The following PLCB4 variants were observed in gnomAD, a reference collection of about 807,000 sequenced individuals.
PLCB4 encodes phospholipase C beta 4.
Under a neutral mutation model 178.8 loss-of-function variants are expected in PLCB4, and 77 were observed. The ratio of observed to expected loss-of-function variants is 0.43; its 90% CI spans 0.36 to 0.52. PLCB4 has a LOEUF of 0.52. Ranked by LOEUF, PLCB4 falls within the 20% of genes least tolerant of loss-of-function variation. PLCB4 has a pLI of 0.00. For missense variants in PLCB4, 1,024 were observed against 1,453.4 expected, an observed-to-expected ratio of 0.70 and a Z score of 4.80; for synonymous variants, 496 against 490.8, an observed-to-expected ratio of 1.01 and a Z score of -0.14.
At chr20:9,201,607 T>C (rs2093547093) in intron 2 of PLCB4, among the ~76,000 whole-genome samples, 2 of 152,120 alleles carry the variant, frequency 1.3e-5, no homozygotes, top group African/African-American at 4.8e-5. Flanking sequence ...TATTTAAAGG[T>C]AGAAAGGTAG....
At chr20:9,408,359 A>G (rs2039605399) in intron 22 of PLCB4, among the ~76,000 whole-genome samples, 2 of 152,170 alleles carry the variant, frequency 1.3e-5, no homozygotes, top group Admixed American at 6.6e-5. Context: ...CTGGTTTTCA[A>G]AAAAACATAA....
chr20:9,077,388 G>T lies in PLCB4; in HGVS notation c.-135+8182G>T, dbSNP rs533825412. Reference sequence around the variant, plus strand: ...CACTGATGAATTGCCTTTAAAAAAGGTCTCCATGAAATTTGTGGAACCTCT... The same window carrying T: ...CACTGATGAATTGCCTTTAAAAAAGTTCTCCATGAAATTTGTGGAACCTCT... On this transcript the variant is annotated intron_variant, in intron 1 of 39. Transcript: ENST00000378473. Among the ~76,000 whole-genome samples, 128 of 152,246 alleles carry T rather than the reference G, an allele frequency of 8.4e-4. No individual in the cohort carries two copies. The Middle Eastern group carries it at 0.01, about 12-fold the overall frequency.
Position 9,121,221 on chromosome 20 carries a change from G to C in PLCB4, c.-79+24879G>C, listed in dbSNP as rs574746033. Among the ~76,000 whole-genome samples, 9 of 152,276 alleles carry C rather than the reference G, an allele frequency of 5.9e-5. No homozygotes were observed. The South Asian group carries it at 1.9e-3, about 32-fold the overall frequency. ...GCACTTGGAATTCACCTAACACCTG[G>C]ATGAATGTTTCTTGAATTTCTTAGT... is the stretch of plus-strand genomic sequence containing the variant. On this transcript the variant is annotated intron_variant, in intron 2 of 39. Transcript: ENST00000378473.
chr20:9,310,463 C>T (rs929812447), intron 4 of PLCB4, among the ~76,000 whole-genome samples: 41 of 152,226 alleles, frequency 2.7e-4, no homozygotes, highest in East Asian at 1.9e-4. Context: ...GTAATCCCAG[C>T]ACTTTGGGAG....
chr20:9,410,839 A>G (rs1445965793), intron 24 of PLCB4, among the ~76,000 whole-genome samples, 198 bp from the exon 25 acceptor site: 3 of 152,204 alleles, frequency 2.0e-5, no homozygotes, highest in African/African-American at 7.2e-5. Flanking sequence ...AACACATTTT[A>G]TGTTTAATTT....
chr20:9,447,246 C>T (rs1421128155), intron 32 of PLCB4, among the ~76,000 whole-genome samples: 1 of 152,184 alleles, frequency 6.6e-6, no homozygotes, highest in Non-Finnish European at 1.5e-5. Context: ...ATTTATTTGG[C>T]TCACAATTTT....
intron 3 of PLCB4, among the ~76,000 whole-genome samples, chr20:9,276,387 A>T (rs1601567305): frequency 6.6e-6 from 1 of 152,160 alleles, no homozygotes; most frequent in East Asian, 1.9e-4. Flanking sequence ...GCCAGGACTC[A>T]GGTGTGGGGG....
intron 4 of PLCB4, among the ~76,000 whole-genome samples, chr20:9,332,033 A>G (rs2148028036): frequency 6.6e-6 from 1 of 152,356 alleles, no homozygotes; most frequent in Middle Eastern, 3.4e-3. Context: ...CTTGAGCTCT[A>G]AGGCGTGACT....
At chr20:9,105,392 A>G (rs918556802) in intron 2 of PLCB4, among the ~76,000 whole-genome samples, 1 of 152,114 alleles carries the variant, frequency 6.6e-6, no homozygotes, top group African/African-American at 2.4e-5. Flanking sequence ...GATTCAGTGT[A>G]GTAATACAAA....
At chr20:9,387,669 A>G in intron 15 of PLCB4, 113 bp downstream of exon 15, 2 of 536,886 alleles carry the variant, frequency 3.7e-6, no homozygotes, top group South Asian at 3.3e-5. Context: ...ATGCCTTCAT[A>G]TTCCCTTCTT....
At chr20:9,440,806 G>T (rs1183411929) in intron 30 of PLCB4, among the ~76,000 whole-genome samples, 1 of 152,204 alleles carries the variant, frequency 6.6e-6, no homozygotes, top group East Asian at 1.9e-4. Context: ...CTAGAGGAGA[G>T]AGACTTTTCT....
intron 2 of PLCB4, among the ~76,000 whole-genome samples, chr20:9,174,246 C>T (rs950864824): frequency 7.3e-5 from 11 of 151,720 alleles, no homozygotes; most frequent in African/African-American, 2.2e-4. Flanking sequence ...TCAAGGAATC[C>T]TCCTCCCTCA....
chr20:9,429,680 T>C (rs2041261223), intron 28 of PLCB4, among the ~76,000 whole-genome samples: 2 of 152,250 alleles, frequency 1.3e-5, no homozygotes, highest in Non-Finnish European at 2.9e-5. Context: ...AAAAATCAAT[T>C]TCCTTTTTTG....
intron 28 of PLCB4, among the ~76,000 whole-genome samples, chr20:9,424,246 T>C (rs1450018160): frequency 1.3e-5 from 2 of 152,208 alleles, no homozygotes; most frequent in Non-Finnish European, 1.5e-5. Context: ...TATATTTATA[T>C]TGACAATCAG....
chr20:9,409,943 G>T (rs1216944127), intron 24 of PLCB4, among the ~76,000 whole-genome samples: 2 of 152,134 alleles, frequency 1.3e-5, no homozygotes, highest in East Asian at 3.9e-4. Flanking sequence ...TCTACAGCAT[G>T]GTTCTTACAA....
At chr20:9,249,403 G>A (rs1230695516) in intron 3 of PLCB4, among the ~76,000 whole-genome samples, 1 of 152,104 alleles carries the variant, frequency 6.6e-6, no homozygotes, top group African/African-American at 2.4e-5. Context: ...TAACTCCTGG[G>A]CTCAAGGGAT....
chr20:9,386,290 A>C (rs2037659400), intron 14 of PLCB4, among the ~76,000 whole-genome samples: 1 of 152,194 alleles, frequency 6.6e-6, no homozygotes, highest in South Asian at 2.1e-4. Flanking sequence ...GGGAGAGGGT[A>C]AATTAGCTTT....
chr20:9,296,674 A>G (rs2094639425), intron 3 of PLCB4, among the ~76,000 whole-genome samples: 1 of 152,316 alleles, frequency 6.6e-6, no homozygotes, highest in South Asian at 2.1e-4. Flanking sequence ...AATACTATGC[A>G]GCCATAAAAA....
intron 1 of PLCB4, among the ~76,000 whole-genome samples, chr20:9,090,225 A>ATG (rs11087835): frequency 0.2 from 29,180 of 149,400 alleles, 3,735 homozygotes; most frequent in East Asian, 0.63. Context: ...AATACTATTT[A>ATG]TGTGTGTGTG....
Sources: allele counts gnomAD v4.1 joint callset (sites outside exome capture counted in the v4.1 genomes callset), GRCh38; gene constraint gnomAD v4.1.1; transcripts MANE v1.5; gene names NCBI Gene and HGNC (gene_info 2026-07-23, HGNC 2026-07-21).